The following ANKDD1B variants were observed in gnomAD, a reference collection of about 807,000 sequenced individuals.
The protein encoded by ANKDD1B is ankyrin repeat and death domain containing 1B.
Under a neutral mutation model 59.7 loss-of-function variants are expected in ANKDD1B, and 57 were observed. That is an observed-to-expected ratio of 0.95 (90% confidence interval 0.77 to 1.19). The LOEUF (loss-of-function observed/expected upper bound fraction) is 1.19. Ranked by LOEUF, ANKDD1B falls within the 50% of genes most tolerant of loss-of-function variation. ANKDD1B has a pLI of 0.00. For synonymous variants in ANKDD1B, 216 were observed against 239.5 expected (o/e 0.90, Z 0.91); for missense variants, 602 against 641.9 (o/e 0.94, Z 0.67).
At chr5:75,650,397 G>A (rs2111988522) in intron 7 of ANKDD1B, among the ~76,000 whole-genome samples, 1 of 152,264 alleles carries the variant, frequency 6.6e-6, no homozygotes, top group South Asian at 2.1e-4. Context: ...GAACATAGGA[G>A]GCTTCTAAGA....
At chr5:75,643,663 A>T (rs1290106237) in intron 7 of ANKDD1B, among the ~76,000 whole-genome samples, 8 of 41,856 alleles carry the variant, frequency 1.9e-4, no homozygotes, top group Non-Finnish European at 3.2e-4. Context: ...ACCAAGTTGG[A>T]AAACACTCTG....
intron 9 of ANKDD1B, among the ~76,000 whole-genome samples, chr5:75,658,792 A>C (rs1775041343): frequency 6.6e-6 from 1 of 152,258 alleles, no homozygotes; most frequent in Admixed American, 6.5e-5. Flanking sequence ...GTAGTAAAAT[A>C]CACATAAAAT....
intron 5 of ANKDD1B, among the ~76,000 whole-genome samples, chr5:75,633,256 G>A (rs533562538): frequency 1.5e-4 from 23 of 152,302 alleles, no homozygotes; most frequent in African/African-American, 5.5e-4. Context: ...GGCTGGGGAT[G>A]TAGATCTCAT....
rs1214865174 is a variant in ANKDD1B at position 75,648,114 on chromosome 5, AG to A, written c.799-5022del. On this transcript the variant is annotated intron_variant, in intron 7 of 13. Coordinates refer to ENST00000601380, the MANE Select transcript of ANKDD1B (RefSeq NM_001276713.2). ...CTGGGGACTGTGGTGGGGTGGGGGG[AG>A]GGGGGAGGGATAGCATTGGGAGATA... is the stretch of plus-strand genomic sequence containing the variant. Among the ~76,000 whole-genome samples, 21 of 48,342 alleles carry A rather than the reference AG, an allele frequency of 4.3e-4. No individual in the cohort carries two copies. The South Asian group carries it at 6.9e-3, about 16-fold the overall frequency. The allele number at this position is 48,342 out of a possible 152,430, so 31.7% of individuals were successfully genotyped here. A position where few individuals can be genotyped will look rare whatever the true frequency, so the allele number is the denominator to read the frequency against.
At position 75,653,238 on chromosome 5, in the gene ANKDD1B, G is replaced by C; in HGVS notation, c.895G>C (p.Glu299Gln). 6.5e-7 allele frequency: 1 copy of C among 1,535,546 alleles called. No individual in the cohort carries two copies. Among genetic ancestry groups the C allele is most frequent in the Non-Finnish European group, 8.7e-7 (1 of 1,146,412 alleles). ...GAACGTTGATCTGCACCAGAAAGTG[G>C]AAGTGAGTTTATTCCAATGACACGG... Reference protein sequence around the residue: ...SENVDLHQKVEPKESPLHLVV... With the variant: ...SENVDLHQKVQPKESPLHLVV... Residue 299 changes from glutamate to glutamine, a missense_variant and splice_region_variant, in exon 8 of 14, where the codon GAA (glutamate) becomes CAA (glutamine). Glu to Gln is a conservative substitution (Grantham distance 29). Around this residue, in one of 3 missense-constraint regions of ANKDD1B, gnomAD observed 280 missense variants for 319.8 expected, o/e 0.88. Transcript: ENST00000601380.
rs757510338 is a variant in ANKDD1B at position 75,657,134 on chromosome 5, C to T, written c.996+1007C>T. On this transcript the variant is annotated intron_variant, in intron 9 of 13. Transcript: ENST00000601380. ...AACTACGTTAATATCTAAAATCTTTCCCAATGGGCAAAATCTTTGCTGAAC... is the reference window on the plus strand; with the variant it reads ...AACTACGTTAATATCTAAAATCTTTTCCAATGGGCAAAATCTTTGCTGAAC... 1.3e-5 allele frequency among the ~76,000 whole-genome samples: 2 copies of T among 152,170 alleles called. 1 individual carries two copies. The highest frequency in any genetic ancestry group is 2.9e-5 in the Non-Finnish European group (2 of 68,040).
chr5:75,628,429 C>T (rs1269979666), intron 5 of ANKDD1B, among the ~76,000 whole-genome samples: 2 of 152,180 alleles, frequency 1.3e-5, no homozygotes, highest in African/African-American at 4.8e-5. Flanking sequence ...ATGCCAGTTG[C>T]AACTGGGATC....
chr5:75,616,292 A>G (rs1226262036), intron 1 of ANKDD1B, among the ~76,000 whole-genome samples: 1 of 152,254 alleles, frequency 6.6e-6, no homozygotes, highest in African/African-American at 2.4e-5. Context: ...ATGTGTTTTT[A>G]TATAAATGAG....
At chr5:75,661,309 A>T (rs1307792864) in intron 10 of ANKDD1B, among the ~76,000 whole-genome samples, 1 of 150,738 alleles carries the variant, frequency 6.6e-6, no homozygotes, top group Non-Finnish European at 1.5e-5. Flanking sequence ...AGGCAGAAGA[A>T]TCACTTGAAA....
At chr5:75,670,537 G>T (rs6887314) in intron 13 of ANKDD1B, among the ~76,000 whole-genome samples, 43,178 of 152,048 alleles carry the variant, frequency 0.28, 7,863 homozygotes, top group African/African-American at 0.5. Flanking sequence ...CAAGAAGTTT[G>T]TATATTTGTT....
At chr5:75,642,357 T>C (rs1774493922) in intron 7 of ANKDD1B, among the ~76,000 whole-genome samples, 1 of 150,292 alleles carries the variant, frequency 6.7e-6, no homozygotes, top group African/African-American at 2.5e-5. Context: ...CACTAGGGAG[T>C]GCCAGACAGT....
chr5:75,636,279 A>C (rs1281201171), intron 7 of ANKDD1B, among the ~76,000 whole-genome samples: 1 of 152,180 alleles, frequency 6.6e-6, no homozygotes, highest in Middle Eastern at 3.2e-3. Context: ...AAGAGGTGAT[A>C]TATTATCTGG....
intron 7 of ANKDD1B, among the ~76,000 whole-genome samples, chr5:75,646,877 AGCATG>A (rs1774642148): frequency 1.0e-5 from 1 of 97,374 alleles, no homozygotes; most frequent in Admixed American, 1.0e-4. Flanking sequence ...TAACCAAAAC[AGCATG>A]GTACTGGTAC....
At chr5:75,616,435 A>G (rs1267503100) in intron 1 of ANKDD1B, among the ~76,000 whole-genome samples, 2 of 152,190 alleles carry the variant, frequency 1.3e-5, no homozygotes, top group African/African-American at 4.8e-5. Flanking sequence ...CTGTAGGAGC[A>G]TTTGGACTCC....
Position 75,611,743 on chromosome 5 carries a change from G to A in ANKDD1B, c.109G>A (p.Ala37Thr). 11 of 1,231,994 alleles carry A rather than the reference G, an allele frequency of 8.9e-6. No homozygotes were observed. Among genetic ancestry groups the A allele is most frequent in the Non-Finnish European group, 1.1e-5 (11 of 988,080 alleles). 76.3% of individuals were successfully genotyped at this position (1,231,994 alleles called of 1,614,324 possible). A position where few individuals can be genotyped will look rare whatever the true frequency, so the allele number is the denominator to read the frequency against. ...GLREDLWGAA[A>T]LPWRSLSRIP... ...CAGGGAAGACCTGTGGGGCGCGGCC[G>A]CCCTGCCTTGGAGGAGCCTGTCCCG... The change falls in exon 1 of 14, where the codon GCC becomes ACC. Residue 37 changes from alanine to threonine, a missense_variant. Around this residue, in one of 3 missense-constraint regions of ANKDD1B, gnomAD observed 317 missense variants for 304.6 expected, o/e 1.04. Coordinates refer to ENST00000601380, the MANE Select transcript of ANKDD1B (RefSeq NM_001276713.2).
chr5:75,661,797 G>GAT (rs1187398072), intron 10 of ANKDD1B, among the ~76,000 whole-genome samples: 1 of 151,040 alleles, frequency 6.6e-6, no homozygotes, highest in African/African-American at 2.4e-5. Flanking sequence ...GACTTTCCCA[G>GAT]ATTTCCCTTC....
At chr5:75,615,596 G>A (rs1428415674) in intron 1 of ANKDD1B, among the ~76,000 whole-genome samples, 5 of 151,874 alleles carry the variant, frequency 3.3e-5, no homozygotes, top group Non-Finnish European at 7.4e-5. Context: ...TGTTGGAAAA[G>A]TTCAATTCTT....
chr5:75,656,242 G>A, intron 9 of ANKDD1B, 115 bp downstream of exon 9: 1 of 532,478 alleles, frequency 1.9e-6, no homozygotes, highest in Non-Finnish European at 3.3e-6. Context: ...GGAGGAACAT[G>A]AGCATCCTTT....
At chr5:75,650,919 A>G (rs1045937677) in intron 7 of ANKDD1B, among the ~76,000 whole-genome samples, 1 of 152,230 alleles carries the variant, frequency 6.6e-6, no homozygotes, top group African/African-American at 2.4e-5. Context: ...CCCAATACCC[A>G]AGAGAGTACA....
Sources: allele counts gnomAD v4.1 joint callset (sites outside exome capture counted in the v4.1 genomes callset), GRCh38; gene constraint gnomAD v4.1.1; regional missense constraint gnomAD v4.1.1; transcripts MANE v1.5; gene names NCBI Gene and HGNC (gene_info 2026-07-23, HGNC 2026-07-21).